BCOR: variants seen among roughly 807,000 people sequenced by gnomAD.
BCOR encodes the protein BCL6 corepressor, also known as BCL-6 corepressor.
A neutral mutation model predicts 86.7 loss-of-function variants in BCOR; 10 were observed. The ratio of observed to expected loss-of-function variants is 0.12; its 90% confidence interval spans 0.07 to 0.20. BCOR has a LOEUF of 0.20. BCOR is among the 10% of genes least tolerant of loss of function. The pLI is 1.00. For synonymous variants in BCOR, 611 were observed against 609.0 expected (o/e 1.00, Z -0.05); for missense variants, 1,259 against 1,452.1 (o/e 0.87, Z 2.16).
rs1392956892 is a variant in BCOR, at chrX:40,085,530, C to T, written c.-40-7561G>A. On this transcript the variant is annotated intron_variant, in intron 1 of 14. Transcript: ENST00000378444. The stretch of plus-strand genomic sequence containing the variant: ...CATCTCCCAGCTCCCCATCGGAAAC[C>T]CAACTAGATGTAGAAGTCCATGTTA... Among the ~76,000 whole-genome samples the T allele has an allele frequency of 3.6e-5, 4 of 111,838 alleles. No individual in the cohort carries two copies. The Admixed American group carries it at 3.8e-4, about 11-fold the overall frequency.
intron 1 of BCOR, among the ~76,000 whole-genome samples, chrX:40,162,214 A>T (rs1938437545): frequency 8.9e-6 from 1 of 111,792 alleles, no homozygotes. Flanking sequence ...TCAGAGACAT[A>T]ATCTCTTTCT....
intron 6 of BCOR, among the ~76,000 whole-genome samples, chrX:40,064,898 C>T (rs891917179): frequency 8.9e-6 from 1 of 111,850 alleles, no homozygotes; most frequent in Non-Finnish European, 1.9e-5. Context: ...AAAGATGGGG[C>T]GTCAATGCTA....
At position 40,073,441 on chromosome X, in the gene BCOR, T is replaced by G. The variant is rs772617752; in HGVS notation, c.1905A>C (p.Pro635=). 33 of 1,211,078 alleles carry G rather than the reference T, an allele frequency of 2.7e-5. No homozygotes were observed. Among genetic ancestry groups the G allele is most frequent in the Non-Finnish European group, 3.6e-5 (32 of 895,478 alleles). Residue 635 remains proline, a synonymous_variant, in exon 4 of 15, where the codon CCA becomes CCC. Transcript: ENST00000378444. ...SFKANENGLP[P]SSIFLSPNEA... ...CATTTGGAGACAGAAATATAGAGCT[T>G]GGTGGAAGGCCGTTCTCGTTTGCTT...
At chrX:40,164,686 CCTTCT>C (rs1177826913) in intron 1 of BCOR, among the ~76,000 whole-genome samples, 3 of 111,752 alleles carry the variant, frequency 2.7e-5, no homozygotes, top group Non-Finnish European at 3.8e-5. Context: ...TTTTGCTCTC[CCTTCT>C]CTTCTCTTCT....
At chrX:40,136,132 A>G (rs1291059028) in intron 1 of BCOR, among the ~76,000 whole-genome samples, 1 of 111,371 alleles carries the variant, frequency 9.0e-6, no homozygotes, top group African/African-American at 3.3e-5. Context: ...TTGCATTTGC[A>G]CTCTACCCTC....
chrX:40,070,762 T>G (rs181796478), intron 6 of BCOR, among the ~76,000 whole-genome samples: 27 of 112,093 alleles, frequency 2.4e-4, no homozygotes, highest in Admixed American at 2.4e-3. Context: ...CTGCGTTATA[T>G]TAGACTGTTA....
rs546960508 is a variant in BCOR, at chrX:40,110,667, C to CTTTTTTTTTTTTTTTTTTTTTTTTTT, written c.-40-32724_-40-32699dup. Among the ~76,000 whole-genome samples, 4 of 29,544 alleles carry CTTTTTTTTTTTTTTTTTTTTTTTTTT rather than the reference C, an allele frequency of 1.4e-4. 2 individuals carry two copies. Among genetic ancestry groups the CTTTTTTTTTTTTTTTTTTTTTTTTTT allele is most frequent in the Non-Finnish European group, 2.7e-4 (4 of 14,556 alleles). The allele number at this position is 29,544 out of a possible 115,157, so 25.7% of individuals were successfully genotyped here. A position where few individuals can be genotyped will look rare whatever the true frequency, so the allele number is the denominator to read the frequency against. On this transcript the variant is annotated intron_variant, in intron 1 of 14. Coordinates refer to the BCOR transcript ENST00000342274. ...TTCTTTTTTTTCTTTTTTCCTTTTT[C>CTTTTTTTTTTTTTTTTTTTTTTTTTT]TTTTTTTTTTTTTTTTTTTTTTTTT...
intron 1 of BCOR, among the ~76,000 whole-genome samples, chrX:40,150,934 G>C (rs1357481956): frequency 8.9e-6 from 1 of 112,349 alleles, no homozygotes; most frequent in Non-Finnish European, 1.9e-5. Context: ...CGAGCTCTGG[G>C]CCTCTTACAG....
At chrX:40,095,651 A>T (rs1421779194) in intron 1 of BCOR, among the ~76,000 whole-genome samples, 1 of 112,334 alleles carries the variant, frequency 8.9e-6, no homozygotes, top group Non-Finnish European at 1.9e-5. Context: ...AGGCTGTGCG[A>T]ATACCTATTT....
chrX:40,171,020 C>G (rs1054844902), intron 1 of BCOR, among the ~76,000 whole-genome samples: 2 of 111,779 alleles, frequency 1.8e-5, no homozygotes, highest in Non-Finnish European at 3.8e-5. Flanking sequence ...TGTTACTGTT[C>G]TGATTTTACA....
At chrX:40,075,234 A>AC in intron 3 of BCOR, 54 bp from the exon 4 acceptor site, 1 of 1,053,265 alleles carries the variant, frequency 9.5e-7, no homozygotes, top group Non-Finnish European at 1.3e-6. Flanking sequence ...AGGCAGCAGC[A>AC]CCCAAAGACA....
chrX:40,074,305 G>T lies in BCOR; in HGVS notation c.1041C>A (p.Thr347=). The part of the protein sequence containing the change: ...PRPSPRVHLP[T]QPAADTYSEF... Reference sequence around the variant, plus strand: ...CCGAGTAGGTGTCTGCAGCAGGCTGGGTGGGAAGGTGGACTCGGGGTGACG... The same window carrying T: ...CCGAGTAGGTGTCTGCAGCAGGCTGTGTGGGAAGGTGGACTCGGGGTGACG... Residue 347 remains threonine, a synonymous_variant, in exon 4 of 15, where the codon ACC becomes ACA. Coordinates refer to ENST00000378444, the MANE Select transcript of BCOR (RefSeq NM_001123385.2). 1.6e-6 allele frequency: 2 copies of T among 1,212,173 alleles called. No homozygotes were observed. Among genetic ancestry groups the T allele is most frequent in the Non-Finnish European group, 2.2e-6 (2 of 895,621 alleles).
Position 40,103,306 on chromosome X carries a change from T to C in BCOR, c.-40-25337A>G, listed in dbSNP as rs760766201. On this transcript the variant is annotated intron_variant, in intron 1 of 14. Coordinates refer to the BCOR transcript ENST00000342274. ...CCAGCGTGGAGGGGAAACGCCATGA[T>C]TTAAAAGTGTGTGTTTGCAGACACT... Among the ~76,000 whole-genome samples the C allele has an allele frequency of 6.3e-5, 7 of 111,387 alleles. No homozygotes were observed. In the East Asian group the frequency reaches 2.0e-3, roughly 32 times the overall value.
intron 1 of BCOR, among the ~76,000 whole-genome samples, chrX:40,176,378 T>A (rs1938753137): frequency 8.9e-6 from 1 of 111,833 alleles, no homozygotes; most frequent in Non-Finnish European, 1.9e-5. Flanking sequence ...CCTCCCGGAG[T>A]AGCCCCGCGG....
At position 40,064,525 on chromosome X, in the gene BCOR, A is replaced by G. The variant is rs1468111779; in HGVS notation, c.3313T>C (p.Tyr1105His). The change falls in exon 7 of 15, where the codon TAC (tyrosine) becomes CAC (histidine). Residue 1105 changes from tyrosine (Y) to histidine (H), a missense_variant. Tyr to His is a moderately conservative substitution (Grantham distance 83, BLOSUM62 2). Transcript: ENST00000378444. ...CTCACAGGCTGCCTCTCCACAAAGT[A>G]CTTCTCCACAGGAAGATCTTTGTCC... ...PEDKDLPVEK[Y>H]FVERQPVSEP... The G allele has an allele frequency of 8.3e-7, 1 of 1,211,817 alleles. No homozygotes were observed. The highest frequency in any genetic ancestry group is 1.1e-6 in the Non-Finnish European group (1 of 895,426).
chrX:40,079,935 C>T (rs926703528), intron 1 of BCOR, among the ~76,000 whole-genome samples: 15 of 108,390 alleles, frequency 1.4e-4, no homozygotes, highest in Non-Finnish European at 2.8e-4. Flanking sequence ...GAACATCATT[C>T]CCCGGTGCCA....
chrX:40,132,716 G>A (rs1937615081), intron 1 of BCOR, among the ~76,000 whole-genome samples: 1 of 112,680 alleles, frequency 8.9e-6, no homozygotes, highest in Admixed American at 9.4e-5. Context: ...CACCTGGTAA[G>A]TGGCAGAACT....
chrX:40,171,180 T>C (rs1300213519), intron 1 of BCOR, among the ~76,000 whole-genome samples: 1 of 111,881 alleles, frequency 8.9e-6, no homozygotes, highest in Non-Finnish European at 1.9e-5. Flanking sequence ...TGCATCCTTT[T>C]CTTGGATCTG....
At chrX:40,081,740 C>A (rs1171251412) in intron 1 of BCOR, among the ~76,000 whole-genome samples, 1 of 112,679 alleles carries the variant, frequency 8.9e-6, no homozygotes, top group Non-Finnish European at 1.9e-5. Context: ...TGGGGTTTAA[C>A]CCCTTTTTCT....
Sources: allele counts gnomAD v4.1 joint callset (sites outside exome capture counted in the v4.1 genomes callset), GRCh38; gene constraint gnomAD v4.1.1; transcripts MANE v1.5; gene names NCBI Gene and HGNC (gene_info 2026-07-23, HGNC 2026-07-21).